Variants in NGLY1 observed in about 807,000 individuals in gnomAD.
NGLY1 encodes the protein N-glycanase 1.
In NGLY1, 68 loss-of-function variants were observed where a neutral mutation model predicts 84.6. That is an observed-to-expected ratio of 0.80 (90% CI 0.66 to 0.98). The LOEUF (loss-of-function observed/expected upper bound fraction) is 0.98, where lower values mean the gene tolerates loss of function less well. Among genes scored for constraint, NGLY1 ranks in the 50% least tolerant of loss-of-function variants. The pLI is 0.00. For missense variants in NGLY1, 779 were observed against 770.2 expected, an observed-to-expected ratio of 1.01 and a Z score of -0.14; for synonymous variants, 280 against 275.2, an observed-to-expected ratio of 1.02 and a Z score of -0.17.
chr3:25,755,186 A>G, intron 3 of NGLY1: 3 of 1,307,576 alleles, frequency 2.3e-6, no homozygotes, highest in East Asian at 4.6e-5. Context: ...TCTTCCCCCA[A>G]GAGGTTTCTT....
chr3:25,757,083 A>C (rs1302977149), intron 3 of NGLY1, among the ~76,000 whole-genome samples: 2 of 152,242 alleles, frequency 1.3e-5, no homozygotes, highest in African/African-American at 4.8e-5. Context: ...CAGAAGTTTC[A>C]TCTTAGGCTA....
chr3:25,724,124 T>C (rs941760287), intron 10 of NGLY1, among the ~76,000 whole-genome samples: 1 of 152,260 alleles, frequency 6.6e-6, no homozygotes, highest in Non-Finnish European at 1.5e-5. Flanking sequence ...ACTAATATTC[T>C]ACAGAAGATT....
At chr3:25,730,437 C>G (rs1045742601) in intron 9 of NGLY1, 1 of 151,924 alleles carries the variant, frequency 6.6e-6, no homozygotes, top group Non-Finnish European at 1.5e-5. Context: ...GGTATGCAAC[C>G]CAATTCATAT....
At chr3:25,779,109 ATTT>A (rs919464607) in intron 1 of NGLY1, among the ~76,000 whole-genome samples, 1 of 151,296 alleles carries the variant, frequency 6.6e-6, no homozygotes, top group Non-Finnish European at 1.5e-5. Flanking sequence ...CTAATTTTGC[ATTT>A]TTTAAGTAGA....
chr3:25,741,977 G>T (rs1706172243), intron 4 of NGLY1, among the ~76,000 whole-genome samples: 1 of 152,048 alleles, frequency 6.6e-6, no homozygotes, highest in Non-Finnish European at 1.5e-5. Context: ...CTCCAATCTG[G>T]GCGACAACAG....
At chr3:25,723,859 T>C (rs1240590269) in intron 10 of NGLY1, among the ~76,000 whole-genome samples, 2 of 152,164 alleles carry the variant, frequency 1.3e-5, no homozygotes, top group South Asian at 2.1e-4. Context: ...GCTAGTAAAG[T>C]CAGAAATCAT....
At chr3:25,773,938 G>C (rs1708023457) in intron 2 of NGLY1, among the ~76,000 whole-genome samples, 1 of 152,218 alleles carries the variant, frequency 6.6e-6, no homozygotes, top group South Asian at 2.1e-4. Context: ...TGGTATTAGA[G>C]AGTGTCTGCA....
chr3:25,749,514 G>C (rs1706616738), intron 4 of NGLY1: 1 of 1,579,692 alleles, frequency 6.3e-7, no homozygotes, highest in African/African-American at 1.3e-5. Flanking sequence ...CCCTTGTGAA[G>C]CCCAAGATCA....
chr3:25,773,661 T>C (rs980067791), intron 2 of NGLY1, among the ~76,000 whole-genome samples: 2 of 152,224 alleles, frequency 1.3e-5, no homozygotes, highest in Admixed American at 6.5e-5. Flanking sequence ...ACTATGCTAG[T>C]GTGATCTTTT....
intron 4 of NGLY1, among the ~76,000 whole-genome samples, chr3:25,748,725 G>A (rs753585146): frequency 7.2e-5 from 11 of 152,048 alleles, no homozygotes; most frequent in Non-Finnish European, 1.3e-4. Flanking sequence ...ACTCATAAAA[G>A]TGAGTCAATG....
intron 2 of NGLY1, among the ~76,000 whole-genome samples, chr3:25,764,882 T>G (rs2125291223): frequency 1.3e-5 from 2 of 152,326 alleles, no homozygotes; most frequent in South Asian, 4.1e-4. Context: ...TACACCCTGA[T>G]AGTCAATCCA....
At chr3:25,743,208 A>G (rs890314134) in intron 4 of NGLY1, among the ~76,000 whole-genome samples, 1 of 152,174 alleles carries the variant, frequency 6.6e-6, no homozygotes, top group Non-Finnish European at 1.5e-5. Context: ...TCCCGCTGTG[A>G]TAATGATTTT....
chr3:25,768,188 C>T (rs1039381125), intron 2 of NGLY1, among the ~76,000 whole-genome samples: 8 of 149,798 alleles, frequency 5.3e-5, no homozygotes, highest in Non-Finnish European at 1.0e-4. Flanking sequence ...TTTGGGAGGC[C>T]GAGGTAGGTG....
chr3:25,731,627 C>T (rs1239977354), intron 9 of NGLY1, among the ~76,000 whole-genome samples: 1 of 152,072 alleles, frequency 6.6e-6, no homozygotes, highest in African/African-American at 2.4e-5. Flanking sequence ...AACATATTCA[C>T]TGAAAACGTG....
At chr3:25,723,642 CA>C (rs1411629626) in intron 10 of NGLY1, among the ~76,000 whole-genome samples, 4 of 151,594 alleles carry the variant, frequency 2.6e-5, no homozygotes, top group African/African-American at 7.3e-5. Flanking sequence ...AAAAAAAAAG[CA>C]AACATTCACT....
chr3:25,770,643 A>G (rs1280440083), intron 2 of NGLY1, among the ~76,000 whole-genome samples: 2 of 152,212 alleles, frequency 1.3e-5, no homozygotes, highest in African/African-American at 4.8e-5. Context: ...AGGACTCTCC[A>G]TGCTGTTTTC....
rs1183019367 is a variant in NGLY1 at position 25,732,442 on chromosome 3, G to A, written c.1302C>T (p.Leu434=). 4 of 1,613,534 alleles carry A rather than the reference G, an allele frequency of 2.5e-6. No homozygotes were observed. The East Asian group carries it at 8.9e-5, about 36-fold the overall frequency. ...CAACAAGCTCCACAATTATCCTCTG[G>A]AGAAGTTCTTTCCTTCTGTTTTCTG... ...FLSENRRKEL[L]QRIIVELVEF... The change falls in exon 9 of 12, where the codon CTC becomes CTT. Residue 434 remains leucine, a synonymous_variant. Transcript: ENST00000280700.
At chr3:25,765,580 A>G (rs1707523926) in intron 2 of NGLY1, among the ~76,000 whole-genome samples, 1 of 152,214 alleles carries the variant, frequency 6.6e-6, no homozygotes, top group East Asian at 1.9e-4. Flanking sequence ...ACCTACAGGA[A>G]TCAACTGAAC....
intron 10 of NGLY1, among the ~76,000 whole-genome samples, chr3:25,728,221 A>G (rs1705356760): frequency 6.6e-6 from 1 of 152,126 alleles, no homozygotes; most frequent in African/African-American, 2.4e-5. Context: ...AGAAAAGCAG[A>G]GACCTTATCT....
Sources: allele counts gnomAD v4.1 joint callset (sites outside exome capture counted in the v4.1 genomes callset), GRCh38; gene constraint gnomAD v4.1.1; transcripts MANE v1.5; gene names NCBI Gene and HGNC (gene_info 2026-07-23, HGNC 2026-07-21).